Variants in TEAD1 observed in about 807,000 individuals in gnomAD.
TEAD1 encodes TEA domain transcription factor 1.
Under a neutral mutation model 54.9 loss-of-function variants are expected in TEAD1, and 9 were observed. The ratio of observed to expected loss-of-function variants is 0.16; its 90% CI spans 0.10 to 0.29. TEAD1 has a LOEUF of 0.29. Ranked by LOEUF, TEAD1 falls within the 10% of genes least tolerant of loss-of-function variation. The probability of loss-of-function intolerance (pLI) is 1.00; values close to 1 mark genes in which losing one functional copy is unlikely to be tolerated. For missense variants in TEAD1, 387 were observed against 535.9 expected, an observed-to-expected ratio of 0.72 and a Z score of 2.74; for synonymous variants, 200 against 187.8, an observed-to-expected ratio of 1.07 and a Z score of -0.53.
chr11:12,720,903 T>C (rs973538393), intron 2 of TEAD1, among the ~76,000 whole-genome samples: 3 of 152,226 alleles, frequency 2.0e-5, no homozygotes, highest in Non-Finnish European at 2.9e-5. Context: ...CCATGACTTG[T>C]CTGAGGTCAG....
chr11:12,889,689 C>T (rs10831916), intron 9 of TEAD1, among the ~76,000 whole-genome samples: 36,357 of 152,028 alleles, frequency 0.24, 5,525 homozygotes, highest in East Asian at 0.72. Context: ...GGAAGGCACA[C>T]GTTTGCTCAA....
rs1390069662 is a variant in TEAD1, at chr11:12,879,606, G to A, written c.331-102G>A. The A allele has an allele frequency of 6.1e-6, 9 of 1,480,598 alleles. No homozygotes were observed. In the African/African-American group the frequency reaches 1.1e-4, roughly 18 times the overall value. 91.7% of individuals were successfully genotyped at this position (1,480,598 alleles called of 1,614,324 possible). A position where few individuals can be genotyped will look rare whatever the true frequency, so the allele number is the denominator to read the frequency against. ...ATGTTTGCTTTTTTTGGCCTATTTTGTGGCTCTGTATTTTAGTCCATGTGC... is the reference window on the plus strand; with the variant it reads ...ATGTTTGCTTTTTTTGGCCTATTTTATGGCTCTGTATTTTAGTCCATGTGC... On this transcript the variant is annotated intron_variant, in intron 5 of 12. Coordinates refer to ENST00000527636, the MANE Select transcript of TEAD1 (RefSeq NM_021961.6).
intron 3 of TEAD1, among the ~76,000 whole-genome samples, chr11:12,821,939 T>A (rs531249291): frequency 2.1e-5 from 3 of 146,088 alleles, no homozygotes; most frequent in South Asian, 4.4e-4. Flanking sequence ...TTTCCTATAC[T>A]CTCTCTCCTT....
chr11:12,755,593 C>T (rs1370796769), intron 2 of TEAD1, among the ~76,000 whole-genome samples: 1 of 152,152 alleles, frequency 6.6e-6, no homozygotes, highest in African/African-American at 2.4e-5. Context: ...ACTGACAGCT[C>T]CTTACTGCTA....
At position 12,943,979 on chromosome 11, in the gene TEAD1, C is replaced by T. The variant is rs1949184397; in HGVS notation, c.*6757C>T. On this transcript the variant is annotated 3_prime_UTR_variant, in exon 13 of 13. Transcript: ENST00000527636. ...AATTTGTAACATTTAAAAAAGAAAC[C>T]TGAATAGCCTTTAATTCTTTAATAA... is the stretch of plus-strand genomic sequence containing the variant. 1 of 152,442 alleles carries T rather than the reference C, an allele frequency of 6.6e-6. No homozygotes were observed. Among genetic ancestry groups the T allele is most frequent in the African/African-American group, 2.4e-5 (1 of 41,388 alleles). The allele number at this position is 152,442 out of a possible 1,614,324, so 9.4% of individuals were successfully genotyped here.
chr11:12,839,917 T>A (rs1946988341), intron 3 of TEAD1, among the ~76,000 whole-genome samples: 1 of 151,894 alleles, frequency 6.6e-6, no homozygotes, highest in Admixed American at 6.6e-5. Flanking sequence ...TGGGAACAGA[T>A]GGAAAGTAAG....
At chr11:12,704,184 C>T (rs1486560501) in intron 2 of TEAD1, among the ~76,000 whole-genome samples, 3 of 152,212 alleles carry the variant, frequency 2.0e-5, no homozygotes, top group Middle Eastern at 3.4e-3. Flanking sequence ...AGGAAGATGA[C>T]GAATGTATTA....
intron 3 of TEAD1, among the ~76,000 whole-genome samples, chr11:12,845,066 A>G (rs1011904965): frequency 7.0e-6 from 1 of 143,226 alleles, no homozygotes; most frequent in African/African-American, 2.6e-5. Flanking sequence ...CCTGGATTCA[A>G]GCAATTCTCT....
chr11:12,914,507 C>T (rs116392981), intron 10 of TEAD1, among the ~76,000 whole-genome samples: 2,117 of 152,266 alleles, frequency 0.014, 47 homozygotes, highest in African/African-American at 0.049. Context: ...GAGGGCAGCT[C>T]GTTCACTCCC....
intron 3 of TEAD1, among the ~76,000 whole-genome samples, chr11:12,780,541 C>A (rs1945520770): frequency 6.6e-6 from 1 of 152,000 alleles, no homozygotes. Flanking sequence ...ACTGTGCCTG[C>A]CACTCGATTG....
chr11:12,826,532 A>G (rs1946659813), intron 3 of TEAD1, among the ~76,000 whole-genome samples: 1 of 152,198 alleles, frequency 6.6e-6, no homozygotes, highest in South Asian at 2.1e-4. Context: ...TGAGAGTAAT[A>G]TAACAATCAC....
chr11:12,692,633 G>C (rs1393301579), intron 2 of TEAD1, among the ~76,000 whole-genome samples: 1 of 152,186 alleles, frequency 6.6e-6, no homozygotes, highest in African/African-American at 2.4e-5. Flanking sequence ...CTGAGAGTAG[G>C]GGGAAGAGCC....
chr11:12,734,686 A>G (rs187190758), intron 2 of TEAD1, among the ~76,000 whole-genome samples: 2 of 152,346 alleles, frequency 1.3e-5, no homozygotes, highest in Admixed American at 6.5e-5. Flanking sequence ...ACAATTGCCT[A>G]CAGTATTCAG....
At position 12,814,775 on chromosome 11, in the gene TEAD1, CTCTGTGTGTGTGTGTGTGTGTGTG is replaced by C. The variant is rs1449232960; in HGVS notation, c.203-47473_203-47450del. The stretch of plus-strand genomic sequence containing the variant: ...CCAGCCACCCCTGACCATCGCAGAG[CTCTGTGTGTGTGTGTGTGTGTGTG>C]TGTGTGTGTGTGTGTGTGTGTGTGT... On this transcript the variant is annotated intron_variant, in intron 3 of 12. Coordinates refer to ENST00000527636, the MANE Select transcript of TEAD1 (RefSeq NM_021961.6). Among the ~76,000 whole-genome samples, 957 of 142,248 alleles carry C rather than the reference CTCTGTGTGTGTGTGTGTGTGTGTG, an allele frequency of 6.7e-3. 13 individuals are homozygous for C. The highest frequency in any genetic ancestry group is 0.01 in the Middle Eastern group (3 of 286). The allele number at this position is 142,248 out of a possible 152,430, so 93.3% of individuals were successfully genotyped here.
Position 12,843,306 on chromosome 11 carries a change from G to A in TEAD1, c.203-18944G>A, listed in dbSNP as rs150300627. On this transcript the variant is annotated intron_variant, in intron 3 of 12. Transcript: ENST00000527636. The stretch of plus-strand genomic sequence containing the variant: ...AGATTGGAAAAGATCATGCATCCTC[G>A]TTCCTTATGTCACACTAAAGTAGAA... Among the ~76,000 whole-genome samples, 171 of 152,304 alleles carry A rather than the reference G, an allele frequency of 1.1e-3. 1 individual carries two copies. The highest frequency in any genetic ancestry group is 3.5e-3 in the African/African-American group (146 of 41,552).
At chr11:12,682,013 GT>G (rs1460927897) in intron 2 of TEAD1, among the ~76,000 whole-genome samples, 1 of 152,226 alleles carries the variant, frequency 6.6e-6, no homozygotes, top group Non-Finnish European at 1.5e-5. Context: ...CACCACCTGT[GT>G]AGGCTTAGGT....
At chr11:12,797,719 A>G (rs2133971163) in intron 3 of TEAD1, among the ~76,000 whole-genome samples, 1 of 152,038 alleles carries the variant, frequency 6.6e-6, no homozygotes, top group African/African-American at 2.4e-5. Flanking sequence ...TCTCTTCCAA[A>G]TGGTTGTCCC....
At chr11:12,699,546 T>C (rs1451353392) in intron 2 of TEAD1, among the ~76,000 whole-genome samples, 1 of 152,244 alleles carries the variant, frequency 6.6e-6, no homozygotes, top group Admixed American at 6.5e-5. Context: ...GAAACTTATA[T>C]CTTCTGTGGG....
At chr11:12,929,970 A>G (rs1474749458) in intron 11 of TEAD1, among the ~76,000 whole-genome samples, 1 of 152,228 alleles carries the variant, frequency 6.6e-6, no homozygotes, top group Non-Finnish European at 1.5e-5. Flanking sequence ...ATTTTTTAAA[A>G]AACTTCCAGA....
Sources: allele counts gnomAD v4.1 joint callset (sites outside exome capture counted in the v4.1 genomes callset), GRCh38; gene constraint gnomAD v4.1.1; transcripts MANE v1.5; gene names NCBI Gene and HGNC (gene_info 2026-07-23, HGNC 2026-07-21).